UGT1A10: variants seen among roughly 807,000 people sequenced by gnomAD.
UGT1A10 encodes UDP-glucuronosyltransferase 1A10.
A neutral mutation model predicts 45.8 loss-of-function variants in UGT1A10; 49 were observed. The observed-to-expected ratio is 1.07, with a 90% CI of 0.85 to 1.36. UGT1A10 has a LOEUF of 1.36. UGT1A10 is among the 40% of genes most tolerant of loss of function. The pLI, the probability that UGT1A10 is intolerant of heterozygous loss-of-function variation, is 0.00. For synonymous variants in UGT1A10, 284 were observed against 249.7 expected (o/e 1.14, Z -1.29); for missense variants, 745 against 668.6 (o/e 1.11, Z -1.26).
rs527503361 is a variant in UGT1A10 at position 233,743,746 on chromosome 2, C to T, written c.856-23288C>T. ...CATAGATATCGCGTTTCTTGGCGTC[C>T]GACAACACCTCGTAGGCCTCGGCCA... On this transcript the variant is annotated intron_variant, in intron 1 of 4. Coordinates refer to ENST00000344644, the MANE Select transcript of UGT1A10 (RefSeq NM_019075.4). The T allele has an allele frequency of 1.3e-5, 18 of 1,367,364 alleles. 1 individual carries two copies. The highest frequency in any genetic ancestry group is 1.0e-4 in the African/African-American group (7 of 67,556). 84.7% of individuals were successfully genotyped at this position (1,367,364 alleles called of 1,614,324 possible).
intron 1 of UGT1A10, among the ~76,000 whole-genome samples, chr2:233,757,643 G>A (rs955610345): frequency 6.7e-6 from 1 of 150,102 alleles, no homozygotes; most frequent in African/African-American, 2.5e-5. Context: ...AGAACAAAAT[G>A]CTGTTTTTCT....
At chr2:233,700,856 A>G (rs1024033186) in intron 1 of UGT1A10, among the ~76,000 whole-genome samples, 10 of 151,944 alleles carry the variant, frequency 6.6e-5, no homozygotes, top group African/African-American at 1.9e-4. Context: ...ATATCTCCTA[A>G]TGCTATCCCT....
At chr2:233,638,236 C>A (rs1285916419) in intron 1 of UGT1A10, among the ~76,000 whole-genome samples, 2 of 152,074 alleles carry the variant, frequency 1.3e-5, no homozygotes, top group Non-Finnish European at 2.9e-5. Flanking sequence ...ACTATATAAG[C>A]ATTTTATGTT....
At chr2:233,661,241 C>T (rs2073958348) in intron 1 of UGT1A10, among the ~76,000 whole-genome samples, 1 of 151,540 alleles carries the variant, frequency 6.6e-6, no homozygotes, top group Non-Finnish European at 1.5e-5. Flanking sequence ...TACTTTTGGT[C>T]TTGAATTTGT....
chr2:233,747,661 T>C lies in UGT1A10; in HGVS notation c.856-19373T>C, dbSNP rs1219859537. ...AATGCTACTTCCTTCGATGTGGTTT[T>C]AATAGACCCAATTTACCTCTGTGGG... On this transcript the variant is annotated intron_variant, in intron 1 of 4. Coordinates refer to ENST00000344644, the MANE Select transcript of UGT1A10 (RefSeq NM_019075.4). 26 of 1,599,782 alleles carry C rather than the reference T, an allele frequency of 1.6e-5. No individual in the cohort carries two copies. The East Asian group carries it at 5.8e-4, about 36-fold the overall frequency.
intron 1 of UGT1A10, chr2:233,690,465 T>C: frequency 1.6e-6 from 2 of 1,289,152 alleles, no homozygotes; most frequent in African/African-American, 3.0e-5. Context: ...CCAGCTATCC[T>C]CCATTTACTT....
intron 1 of UGT1A10, among the ~76,000 whole-genome samples, chr2:233,717,156 G>A (rs534740397): frequency 6.2e-4 from 94 of 152,158 alleles, no homozygotes; most frequent in Non-Finnish European, 1.2e-3. Context: ...TAGAACATGG[G>A]AGCCCCTTGA....
intron 1 of UGT1A10, chr2:233,682,906 G>T (rs2074606702): frequency 8.7e-6 from 13 of 1,497,714 alleles, no homozygotes; most frequent in South Asian, 1.4e-5. Flanking sequence ...TTTCTTTCTG[G>T]TTTAAGGAAT....
chr2:233,700,811 T>C (rs969820712), intron 1 of UGT1A10, among the ~76,000 whole-genome samples: 1 of 152,126 alleles, frequency 6.6e-6, no homozygotes, highest in Non-Finnish European at 1.5e-5. Flanking sequence ...CATGTTGGTG[T>C]GCTGCACCCA....
chr2:233,649,983 G>A (rs2073698913), intron 1 of UGT1A10, among the ~76,000 whole-genome samples: 1 of 152,056 alleles, frequency 6.6e-6, no homozygotes, highest in Admixed American at 6.6e-5. Context: ...TTGTTTGTTT[G>A]TTTTGAGACA....
intron 1 of UGT1A10, chr2:233,672,267 T>C: frequency 6.2e-7 from 1 of 1,614,116 alleles, no homozygotes; most frequent in Non-Finnish European, 8.5e-7. Context: ...TATTAATGGG[T>C]TCATACAATG....
intron 1 of UGT1A10, among the ~76,000 whole-genome samples, chr2:233,696,822 T>C (rs527873839): frequency 1.6e-4 from 24 of 152,304 alleles, no homozygotes; most frequent in African/African-American, 5.8e-4. Context: ...TTATTGAGAG[T>C]GTGTATCATA....
intron 1 of UGT1A10, among the ~76,000 whole-genome samples, chr2:233,741,290 C>T (rs1691616711): frequency 6.6e-6 from 1 of 151,724 alleles, no homozygotes. Context: ...ATTTATGTAC[C>T]CAATTGTGTA....
At chr2:233,748,802 C>G (rs1371204556) in intron 1 of UGT1A10, among the ~76,000 whole-genome samples, 1 of 151,284 alleles carries the variant, frequency 6.6e-6, no homozygotes, top group African/African-American at 2.5e-5. Context: ...CTGAAATTAT[C>G]AAGAAATTGT....
At chr2:233,653,331 G>A (rs547390662) in intron 1 of UGT1A10, among the ~76,000 whole-genome samples, 47 of 152,260 alleles carry the variant, frequency 3.1e-4, no homozygotes, top group African/African-American at 8.9e-4. Flanking sequence ...CTTTGCAAGC[G>A]TAAACCCTCA....
At chr2:233,719,441 C>T (rs2076766759) in intron 1 of UGT1A10, 2 of 1,613,982 alleles carry the variant, frequency 1.2e-6, no homozygotes, top group Non-Finnish European at 1.7e-6. Flanking sequence ...ACATGACATT[C>T]CTGCAAAGGG....
At chr2:233,705,061 G>A (rs10180090) in intron 1 of UGT1A10, among the ~76,000 whole-genome samples, 62,946 of 151,510 alleles carry the variant, frequency 0.42, 13,988 homozygotes, top group African/African-American at 0.57. Context: ...GCTTGAACCC[G>A]GGAGGCGGAG....
intron 1 of UGT1A10, among the ~76,000 whole-genome samples, chr2:233,692,589 C>T (rs2075104248): frequency 1.3e-5 from 2 of 152,096 alleles, no homozygotes; most frequent in Non-Finnish European, 1.5e-5. Context: ...AGAATAGGTC[C>T]GTGTGCAAGA....
At chr2:233,754,204 A>G (rs1695418999) in intron 1 of UGT1A10, 1 of 163,390 alleles carries the variant, frequency 6.1e-6, no homozygotes, top group South Asian at 1.6e-4. Flanking sequence ...AAAACATTGA[A>G]GTCAAATGAT....
Sources: gnomAD v4.1 joint callset for allele counts (sites outside exome capture counted in the v4.1 genomes callset) on GRCh38, gnomAD v4.1.1 for gene constraint, MANE v1.5 for transcripts, NCBI Gene and HGNC (gene_info 2026-07-23, HGNC 2026-07-21) for gene names.